Variants in EGFLAM observed in about 807,000 individuals in gnomAD.
The protein encoded by EGFLAM is EGF like, fibronectin type III and laminin G domains.
EGFLAM carries 79 observed loss-of-function variants against 113.1 expected under a neutral mutation model. The ratio of observed to expected loss-of-function variants is 0.70; its 90% CI spans 0.58 to 0.84. The LOEUF is 0.84. Ranked by LOEUF, EGFLAM falls within the 40% of genes least tolerant of loss-of-function variation. EGFLAM has a pLI of 0.00. For synonymous variants in EGFLAM, 504 were observed against 487.6 expected (o/e 1.03, Z -0.44); for missense variants, 1,265 against 1,291.6 (o/e 0.98, Z 0.32).
At chr5:38,305,112 A>C (rs897671010) in intron 1 of EGFLAM, among the ~76,000 whole-genome samples, 1 of 152,180 alleles carries the variant, frequency 6.6e-6, no homozygotes, top group Non-Finnish European at 1.5e-5. Flanking sequence ...CATTCTACAA[A>C]GGAAGAAAAG....
chr5:38,440,132 C>T (rs1194472070), intron 17 of EGFLAM, among the ~76,000 whole-genome samples: 1 of 152,154 alleles, frequency 6.6e-6, no homozygotes, highest in Non-Finnish European at 1.5e-5. Context: ...CTGGATCTGG[C>T]AAGATCTGTG....
At chr5:38,349,972 C>T (rs529806017) in intron 3 of EGFLAM, among the ~76,000 whole-genome samples, 11 of 92,162 alleles carry the variant, frequency 1.2e-4, no homozygotes, top group African/African-American at 4.5e-4. Context: ...CACACACACA[C>T]ACACACACAC....
chr5:38,464,157 T>C lies in EGFLAM; in HGVS notation c.*171T>C, dbSNP rs981216319. 14 of 842,844 alleles carry C rather than the reference T, an allele frequency of 1.7e-5. No individual in the cohort carries two copies. The African/African-American group carries it at 2.2e-4, about 13-fold the overall frequency. The allele number at this position is 842,844 out of a possible 1,614,324, so 52.2% of individuals were successfully genotyped here. On this transcript the variant is annotated 3_prime_UTR_variant, in exon 22 of 22. Transcript: ENST00000322350. Reference sequence around the variant, plus strand: ...GAGAACCAAGACAGGCATCCCTGGGTGGCCTTTCCTGCTGACACTCCACGA... The same window carrying C: ...GAGAACCAAGACAGGCATCCCTGGGCGGCCTTTCCTGCTGACACTCCACGA...
At chr5:38,274,014 T>G (rs1192422670) in intron 1 of EGFLAM, among the ~76,000 whole-genome samples, 1 of 151,936 alleles carries the variant, frequency 6.6e-6, no homozygotes, top group Non-Finnish European at 1.5e-5. Flanking sequence ...AATGATAAAT[T>G]TAACAGAGAA....
chr5:38,345,237 G>A (rs1284117213), intron 3 of EGFLAM: 1 of 152,166 alleles, frequency 6.6e-6, no homozygotes, highest in African/African-American at 2.4e-5. Flanking sequence ...GGAGATAATA[G>A]GACTGACCTC....
chr5:38,445,717 T>C, intron 17 of EGFLAM: 1 of 1,598,092 alleles, frequency 6.3e-7, no homozygotes, highest in African/African-American at 1.3e-5. Context: ...GTACAGTAAG[T>C]CCTGTGAGAA....
chr5:38,306,986 G>A (rs770916559), intron 1 of EGFLAM, among the ~76,000 whole-genome samples: 22 of 152,234 alleles, frequency 1.4e-4, no homozygotes, highest in East Asian at 3.9e-4. Flanking sequence ...CGCTAGCCCC[G>A]GCTGAGCTTC....
chr5:38,305,551 T>C, intron 1 of EGFLAM: 1 of 417,928 alleles, frequency 2.4e-6, no homozygotes. Flanking sequence ...AGAATAATAG[T>C]GGGAAGGAGA....
chr5:38,411,122 T>C (rs1741462585), intron 10 of EGFLAM, among the ~76,000 whole-genome samples: 1 of 152,222 alleles, frequency 6.6e-6, no homozygotes, highest in African/African-American at 2.4e-5. Flanking sequence ...GAAGTGATCA[T>C]GTACTTCCAG....
At chr5:38,304,403 G>A (rs1758673214) in intron 1 of EGFLAM, among the ~76,000 whole-genome samples, 1 of 152,058 alleles carries the variant, frequency 6.6e-6, no homozygotes, top group Non-Finnish European at 1.5e-5. Context: ...CTGTGAACAG[G>A]GGGCATCCAT....
At chr5:38,435,031 G>C (rs184859297) in intron 15 of EGFLAM, 106 bp from the exon 16 acceptor site, 6 of 881,536 alleles carry the variant, frequency 6.8e-6, no homozygotes, top group Non-Finnish European at 1.1e-5. Context: ...GGGTCTCTAG[G>C]CTCTGTCTAC....
At chr5:38,405,775 T>G (rs556092666) in intron 6 of EGFLAM, among the ~76,000 whole-genome samples, 1 of 152,322 alleles carries the variant, frequency 6.6e-6, no homozygotes, top group Admixed American at 6.5e-5. Context: ...ATGAAATATT[T>G]CCAAGTATTT....
intron 6 of EGFLAM, among the ~76,000 whole-genome samples, chr5:38,390,911 A>G (rs1453663323): frequency 6.6e-6 from 1 of 152,020 alleles, no homozygotes; most frequent in African/African-American, 2.4e-5. Flanking sequence ...TCCTTAGCCA[A>G]TCATGTGTTG....
chr5:38,286,018 C>T (rs1039235763), intron 1 of EGFLAM: 1 of 152,048 alleles, frequency 6.6e-6, no homozygotes, highest in African/African-American at 2.4e-5. Context: ...TTCTTTCCAG[C>T]GAATGACCCT....
intron 14 of EGFLAM, among the ~76,000 whole-genome samples, chr5:38,428,388 C>T (rs1264258417): frequency 6.6e-6 from 1 of 152,188 alleles, no homozygotes; most frequent in East Asian, 1.9e-4. Flanking sequence ...TCCTGCACAT[C>T]AGTGACACCT....
At chr5:38,407,665 T>C in intron 8 of EGFLAM, 140 bp from the exon 9 acceptor site, 5 of 606,436 alleles carry the variant, frequency 8.2e-6, no homozygotes, top group Non-Finnish European at 1.4e-5. Flanking sequence ...GTATAAAAAG[T>C]ATAGAAAAGA....
chr5:38,407,050 C>G lies in EGFLAM; in HGVS notation c.1051C>G (p.Leu351Val), dbSNP rs1225949558. ...CTTTGACATGCCTTGTGATGAAACTCTCTGCTCTGCTGACAGCTTCTGTGT... is the reference window on the plus strand; with the variant it reads ...CTTTGACATGCCTTGTGATGAAACTGTCTGCTCTGCTGACAGCTTCTGTGT... Reference protein sequence around the residue: ...RLFDMPCDETLCSADSFCVND... With the variant: ...RLFDMPCDETVCSADSFCVND... Residue 351 changes from leucine to valine, a missense_variant, in exon 8 of 22, where the codon CTC (leucine) becomes GTC (valine). Physicochemically the swap from Leu to Val is conservative, Grantham distance 32. Transcript: ENST00000322350. 6.2e-7 allele frequency: 1 copy of G among 1,614,194 alleles called. No homozygotes were observed. The highest frequency in any genetic ancestry group is 2.2e-5 in the East Asian group (1 of 44,868).
At chr5:38,382,026 C>T (rs547854502) in intron 6 of EGFLAM, among the ~76,000 whole-genome samples, 1 of 152,248 alleles carries the variant, frequency 6.6e-6, no homozygotes, top group East Asian at 1.9e-4. Flanking sequence ...TTAGAGAAAC[C>T]ATTGCAGTAA....
At chr5:38,457,650 T>C (rs904605779) in intron 19 of EGFLAM, among the ~76,000 whole-genome samples, 1 of 152,170 alleles carries the variant, frequency 6.6e-6, no homozygotes, top group Non-Finnish European at 1.5e-5. Flanking sequence ...ATAAGTAACA[T>C]TCTGAGGCTC....
Sources: allele counts gnomAD v4.1 joint callset (sites outside exome capture counted in the v4.1 genomes callset), GRCh38; gene constraint gnomAD v4.1.1; transcripts MANE v1.5; gene names NCBI Gene and HGNC (gene_info 2026-07-23, HGNC 2026-07-21).